The following CNTNAP2 variants were observed in gnomAD, a reference collection of about 807,000 sequenced individuals.
CNTNAP2 encodes contactin associated protein 2.
Under a neutral mutation model 155.2 loss-of-function variants are expected in CNTNAP2, and 98 were observed. That is an observed-to-expected ratio of 0.63 (90% CI 0.54 to 0.75). CNTNAP2 has a LOEUF of 0.75. Ranked by LOEUF, CNTNAP2 falls within the 30% of genes least tolerant of loss-of-function variation. The pLI is 0.00. For synonymous variants in CNTNAP2, 651 were observed against 631.2 expected, an observed-to-expected ratio of 1.03 and a Z score of -0.47; for missense variants, 1,727 against 1,688.1, an observed-to-expected ratio of 1.02 and a Z score of -0.40.
intron 1 of CNTNAP2, among the ~76,000 whole-genome samples, chr7:146,423,225 A>G (rs1450181588): frequency 2.0e-5 from 3 of 152,156 alleles, no homozygotes; most frequent in Non-Finnish European, 2.9e-5. Flanking sequence ...ATGTAAAATA[A>G]CATATTGAAC....
intron 13 of CNTNAP2, among the ~76,000 whole-genome samples, chr7:147,733,684 T>G (rs2116471390): frequency 6.6e-6 from 1 of 152,348 alleles, no homozygotes; most frequent in South Asian, 2.1e-4. Context: ...TTGTATCCTC[T>G]TTTATTTCAT....
chr7:147,865,734 G>A (rs575909242), intron 13 of CNTNAP2, among the ~76,000 whole-genome samples: 20 of 152,162 alleles, frequency 1.3e-4, no homozygotes, highest in East Asian at 5.8e-4. Context: ...TATAGTATTC[G>A]CTAATGATAG....
chr7:146,179,920 A>T (rs1364509407), intron 1 of CNTNAP2, among the ~76,000 whole-genome samples: 1 of 152,214 alleles, frequency 6.6e-6, no homozygotes, highest in Non-Finnish European at 1.5e-5. Context: ...TTCTTTAAAC[A>T]ATATGAAATG....
At chr7:146,158,135 G>T (rs572874536) in intron 1 of CNTNAP2, among the ~76,000 whole-genome samples, 1 of 152,306 alleles carries the variant, frequency 6.6e-6, no homozygotes, top group South Asian at 2.1e-4. Context: ...TTGTGGAGTG[G>T]ACCTCCAGCA....
intron 1 of CNTNAP2, among the ~76,000 whole-genome samples, chr7:146,118,369 CA>C (rs2116713559): frequency 6.6e-6 from 1 of 152,072 alleles, no homozygotes; most frequent in South Asian, 2.1e-4. Context: ...ATATTTATGT[CA>C]ATTTTATAAA....
intron 23 of CNTNAP2, among the ~76,000 whole-genome samples, chr7:148,413,401 AATATAT>A (rs1226281346): frequency 1.8e-4 from 8 of 45,342 alleles, no homozygotes; most frequent in African/African-American, 5.1e-4. Flanking sequence ...TCAAAAAAAA[AATATAT>A]ATATATATAT....
intron 1 of CNTNAP2, among the ~76,000 whole-genome samples, chr7:146,271,423 T>C (rs576101127): frequency 1.4e-4 from 22 of 152,144 alleles, no homozygotes; most frequent in Admixed American, 1.0e-3. Context: ...ATTTCTGTAA[T>C]ATTTTAATTC....
At chr7:147,497,382 A>C (rs985999977) in intron 11 of CNTNAP2, among the ~76,000 whole-genome samples, 1 of 152,082 alleles carries the variant, frequency 6.6e-6, no homozygotes, top group African/African-American at 2.4e-5. Flanking sequence ...CAACTACAGA[A>C]TTGCTGTCAT....
chr7:147,967,158 G>GT (rs1801230313), intron 14 of CNTNAP2, among the ~76,000 whole-genome samples: 1 of 152,138 alleles, frequency 6.6e-6, no homozygotes, highest in South Asian at 2.1e-4. Flanking sequence ...TGTACAAAAT[G>GT]TAAGGAACTC....
chr7:146,600,452 C>G (rs1798933091), intron 1 of CNTNAP2, among the ~76,000 whole-genome samples: 1 of 152,058 alleles, frequency 6.6e-6, no homozygotes, highest in African/African-American at 2.4e-5. Flanking sequence ...AAATCGCTCA[C>G]AAAGCACTAC....
intron 1 of CNTNAP2, among the ~76,000 whole-genome samples, chr7:146,772,738 G>T (rs1447756057): frequency 6.6e-6 from 1 of 152,042 alleles, no homozygotes; most frequent in Non-Finnish European, 1.5e-5. Flanking sequence ...AAGAACATGG[G>T]GAAAGAGATA....
intron 1 of CNTNAP2, among the ~76,000 whole-genome samples, chr7:146,613,266 G>T (rs1234370198): frequency 1.3e-5 from 2 of 152,128 alleles, no homozygotes; most frequent in Non-Finnish European, 2.9e-5. Flanking sequence ...CCACACAAAG[G>T]CTCTGGCACT....
chr7:148,144,495 A>G (rs1229675380), intron 16 of CNTNAP2, among the ~76,000 whole-genome samples: 4 of 152,216 alleles, frequency 2.6e-5, no homozygotes, highest in African/African-American at 9.6e-5. Context: ...TCTCTGACCC[A>G]GGAGTTTCAT....
intron 11 of CNTNAP2, among the ~76,000 whole-genome samples, chr7:147,556,582 A>G (rs1268953720): frequency 1.3e-5 from 2 of 152,196 alleles, no homozygotes; most frequent in African/African-American, 4.8e-5. Context: ...AGCAGGAGGG[A>G]AATTCCACCT....
intron 1 of CNTNAP2, among the ~76,000 whole-genome samples, chr7:146,474,994 C>CACGCAT (rs1249725071): frequency 7.9e-6 from 1 of 126,502 alleles, no homozygotes; most frequent in African/African-American, 3.5e-5. Context: ...TGAGCACGAG[C>CACGCAT]GCGCACGCGC....
At chr7:147,866,538 T>G (rs1799232282) in intron 13 of CNTNAP2, among the ~76,000 whole-genome samples, 1 of 152,172 alleles carries the variant, frequency 6.6e-6, no homozygotes, top group African/African-American at 2.4e-5. Flanking sequence ...CTCCCATTAT[T>G]ATTGTGTGGG....
At chr7:146,997,242 T>C (rs750782501) in intron 3 of CNTNAP2, among the ~76,000 whole-genome samples, 18 of 152,146 alleles carry the variant, frequency 1.2e-4, no homozygotes, top group Non-Finnish European at 2.5e-4. Flanking sequence ...GTTGAGGTAT[T>C]TGTCTATACC....
chr7:147,609,606 T>C (rs1167000561), intron 12 of CNTNAP2, among the ~76,000 whole-genome samples: 1 of 151,742 alleles, frequency 6.6e-6, no homozygotes, highest in Non-Finnish European at 1.5e-5. Context: ...AAGGAGGAAA[T>C]TGTTGACTGT....
intron 8 of CNTNAP2, 48 bp downstream of exon 8, chr7:147,132,557 C>T (rs761163668): frequency 1.3e-5 from 21 of 1,610,228 alleles, no homozygotes; most frequent in Middle Eastern, 3.3e-4. Flanking sequence ...ATTGCAATTT[C>T]CAGAGTTAAT....
Sources: gnomAD v4.1 joint callset for allele counts (sites outside exome capture counted in the v4.1 genomes callset) on GRCh38, gnomAD v4.1.1 for gene constraint, MANE v1.5 for transcripts, NCBI Gene and HGNC (gene_info 2026-07-23, HGNC 2026-07-21) for gene names.